MTRFR: variants seen among roughly 807,000 people sequenced by gnomAD.
MTRFR encodes the protein mitochondrial translation release factor in rescue.
Under a neutral mutation model 11.9 loss-of-function variants are expected in MTRFR, and 10 were observed. That is an observed-to-expected ratio of 0.84 (90% CI 0.52 to 1.42). The LOEUF is 1.42. Among genes scored for constraint, MTRFR ranks in the 40% most tolerant of loss-of-function variants. The pLI is 0.00. For missense variants in MTRFR, 196 were observed against 197.9 expected, an observed-to-expected ratio of 0.99 and a Z score of 0.06; for synonymous variants, 77 against 79.1, an observed-to-expected ratio of 0.97 and a Z score of 0.14.
chr12:123,237,288 G>T (rs1261910047), intron 1 of MTRFR, among the ~76,000 whole-genome samples: 1 of 151,816 alleles, frequency 6.6e-6, no homozygotes, highest in Non-Finnish European at 1.5e-5. Flanking sequence ...AAATTAGCCG[G>T]GCATGATGGC....
At chr12:123,241,379 C>G (rs1779512787) in intron 1 of MTRFR, among the ~76,000 whole-genome samples, 2 of 152,032 alleles carry the variant, frequency 1.3e-5, no homozygotes, top group Non-Finnish European at 2.9e-5. Context: ...CAGTCTTCGC[C>G]CAGGCTGGAG....
chr12:123,253,917 C>T lies in MTRFR; in HGVS notation c.243C>T (p.Cys81=), dbSNP rs140411575. 488 of 1,614,210 alleles carry T rather than the reference C, an allele frequency of 3.0e-4. 2 individuals carry two copies. In the Middle Eastern group the frequency reaches 4.0e-3, roughly 13 times the overall value. Residue 81 remains cysteine, a synonymous_variant, in exon 2 of 3, where the codon TGC becomes TGT. Transcript: ENST00000253233. The part of the protein sequence containing the change: ...GGQATNKTSN[C]VVLKHIPSGI... Reference sequence around the variant, plus strand: ...AGGCAACCAACAAAACCAGCAACTGCGTGGTGCTGAAGCACATCCCCTCAG... The same window carrying T: ...AGGCAACCAACAAAACCAGCAACTGTGTGGTGCTGAAGCACATCCCCTCAG...
At chr12:123,250,982 C>T (rs2048104797) in intron 1 of MTRFR, 2 of 152,382 alleles carry the variant, frequency 1.3e-5, no homozygotes, top group East Asian at 1.9e-4. Flanking sequence ...CGTGTCTGAG[C>T]TCAGACTCTC....
chr12:123,251,262 C>T (rs1000957247), intron 1 of MTRFR: 1 of 152,274 alleles, frequency 6.6e-6, no homozygotes, highest in Non-Finnish European at 1.5e-5. Flanking sequence ...AAGGCTGTGC[C>T]CCTCCCAGCA....
intron 1 of MTRFR, among the ~76,000 whole-genome samples, chr12:123,248,120 G>T (rs2048067460): frequency 6.6e-6 from 1 of 152,186 alleles, no homozygotes; most frequent in African/African-American, 2.4e-5. Context: ...TTTGTTTCAA[G>T]ATTTAGAGCT....
At chr12:123,252,780 C>T (rs2138789871) in intron 1 of MTRFR, among the ~76,000 whole-genome samples, 1 of 152,070 alleles carries the variant, frequency 6.6e-6, no homozygotes, top group East Asian at 1.9e-4. Flanking sequence ...CAAAAATTAG[C>T]CGGGTGTGGT....
Position 123,236,430 on chromosome 12 carries a change from C to CA in MTRFR, c.-29+2905dup, listed in dbSNP as rs573345538. ...GCAACATGGCAAGACCCCATCTCTACAAAAAATTAAAAACTAGCCAGGTAT... is the reference window on the plus strand; with the variant it reads ...GCAACATGGCAAGACCCCATCTCTACAAAAAAATTAAAAACTAGCCAGGTAT... On this transcript the variant is annotated intron_variant, in intron 1 of 2. Transcript: ENST00000253233. Among the ~76,000 whole-genome samples, 717 of 151,824 alleles carry CA rather than the reference C, an allele frequency of 4.7e-3. 8 individuals are homozygous for CA. Among genetic ancestry groups the CA allele is most frequent in the Middle Eastern group, 0.02 (6 of 294 alleles).
chr12:123,244,886 C>T (rs529326742), intron 1 of MTRFR, among the ~76,000 whole-genome samples: 65 of 149,336 alleles, frequency 4.4e-4, no homozygotes, highest in Non-Finnish European at 9.2e-4. Flanking sequence ...CCGCCTCAGC[C>T]TCCCAAAGTG....
At chr12:123,251,942 T>G (rs2048118016) in intron 1 of MTRFR, 1 of 152,418 alleles carries the variant, frequency 6.6e-6, no homozygotes, top group Admixed American at 6.5e-5. Context: ...AGAGCCAGTC[T>G]GAGTCCCAAA....
rs559154255 is a variant in MTRFR, at chr12:123,236,859, GGATC to G, written c.-29+3330_-29+3333del. On this transcript the variant is annotated intron_variant, in intron 1 of 2. Coordinates refer to ENST00000253233, the MANE Select transcript of MTRFR (RefSeq NM_152269.5). ...AGCACTTTGAGAGGCCGAGGCGGGC[GGATC>G]GCCTGAGGTCAGGAGTTCAACACCA... 4.7e-3 allele frequency among the ~76,000 whole-genome samples: 719 copies of G among 152,164 alleles called. 8 individuals carry two copies. The highest frequency in any genetic ancestry group is 0.02 in the Middle Eastern group (6 of 294).
intron 1 of MTRFR, among the ~76,000 whole-genome samples, chr12:123,242,376 T>A (rs1398004473): frequency 1.3e-5 from 2 of 152,306 alleles, no homozygotes; most frequent in South Asian, 4.1e-4. Context: ...CATTTTTCTT[T>A]TTCTCTTTTT....
Position 123,257,033 on chromosome 12 carries a change from A to G in MTRFR, c.*2A>G, listed in dbSNP as rs1304403726. 2 of 1,608,676 alleles carry G rather than the reference A, an allele frequency of 1.2e-6. No individual in the cohort carries two copies. Among genetic ancestry groups the G allele is most frequent in the South Asian group, 1.1e-5 (1 of 90,664 alleles). ...GAGTCAAGTAAAAAGGTCCACTGAGAAAAGAATTAGAGATTCCAACTGACA... is the reference window on the plus strand; with the variant it reads ...GAGTCAAGTAAAAAGGTCCACTGAGGAAAGAATTAGAGATTCCAACTGACA... On this transcript the variant is annotated 3_prime_UTR_variant, in exon 3 of 3. Transcript: ENST00000253233.
At chr12:123,235,862 G>C (rs1256338121) in intron 1 of MTRFR, among the ~76,000 whole-genome samples, 1 of 151,504 alleles carries the variant, frequency 6.6e-6, no homozygotes, top group Non-Finnish European at 1.5e-5. Flanking sequence ...TCAGGAGTTC[G>C]AGACCAGCCT....
intron 1 of MTRFR, among the ~76,000 whole-genome samples, chr12:123,246,791 A>C (rs1462739814): frequency 8.2e-6 from 1 of 122,024 alleles, no homozygotes; most frequent in Non-Finnish European, 1.6e-5. Context: ...AGTGCAGTGG[A>C]GCAATCTTGG....
intron 1 of MTRFR, among the ~76,000 whole-genome samples, chr12:123,235,045 T>A (rs1317602979): frequency 6.6e-6 from 1 of 152,178 alleles, no homozygotes; most frequent in African/African-American, 2.4e-5. Context: ...GCCGATGAAA[T>A]AATCAGTTCC....
At chr12:123,237,379 A>G (rs888580222) in intron 1 of MTRFR, among the ~76,000 whole-genome samples, 4 of 152,200 alleles carry the variant, frequency 2.6e-5, no homozygotes, top group Non-Finnish European at 4.4e-5. Flanking sequence ...GCAGTGAGCC[A>G]AGATCACGCC....
intron 1 of MTRFR, chr12:123,248,974 C>T (rs1453325691): frequency 7.5e-6 from 1 of 134,076 alleles, no homozygotes; most frequent in Non-Finnish European, 1.7e-5. Context: ...CTAGACACAG[C>T]ACTGATTGAT....
intron 1 of MTRFR, among the ~76,000 whole-genome samples, chr12:123,246,892 G>A (rs61953388): frequency 0.065 from 9,787 of 151,680 alleles, 363 homozygotes; most frequent in South Asian, 0.12. Context: ...CACCACGCCC[G>A]GCTAATTTTT....
At chr12:123,244,929 C>CCT (rs1170457743) in intron 1 of MTRFR, among the ~76,000 whole-genome samples, 2 of 64,308 alleles carry the variant, frequency 3.1e-5, no homozygotes, top group South Asian at 6.3e-4. Context: ...CCGCACCCGG[C>CCT]ATTTTTTTTT....
Sources: allele counts gnomAD v4.1 joint callset (sites outside exome capture counted in the v4.1 genomes callset), GRCh38; gene constraint gnomAD v4.1.1; transcripts MANE v1.5; gene names NCBI Gene and HGNC (gene_info 2026-07-23, HGNC 2026-07-21).